The following CHD9 variants were observed in gnomAD, a reference collection of about 807,000 sequenced individuals.
The protein encoded by CHD9 is ATP-dependent chromatin remodeler CHD9.
In CHD9, 77 loss-of-function variants were observed where a neutral mutation model predicts 316.1. The observed-to-expected ratio is 0.24, with a 90% confidence interval of 0.20 to 0.29. The LOEUF (loss-of-function observed/expected upper bound fraction) is 0.29, where lower values mean the gene tolerates loss of function less well. CHD9 is among the 10% of genes least tolerant of loss of function. CHD9 has a pLI of 1.00. For synonymous variants in CHD9, 1,129 were observed against 1,158.3 expected, an observed-to-expected ratio of 0.97 and a Z score of 0.51; for missense variants, 2,763 against 3,438.1, an observed-to-expected ratio of 0.80 and a Z score of 4.91.
In CHD9 at chr16:53,324,256, G is replaced by T. The variant is rs2057448283; in HGVS notation, c.8055G>T (p.Leu2685=). The T allele has an allele frequency of 6.2e-7, 1 of 1,613,882 alleles. No individual in the cohort carries two copies. Among genetic ancestry groups the T allele is most frequent in the Non-Finnish European group, 8.5e-7 (1 of 1,179,896 alleles). The part of the protein sequence containing the change: ...LQQNLQNLQS[L]QVTAGLMGMP... ...AAAACCTACAAAACTTGCAGTCACT[G>T]CAAGTAACTGCTGGGTTGATGGGAA... Residue 2685 remains leucine (L), a synonymous_variant, in exon 39 of 39, where the codon CTG becomes CTT. Transcript: ENST00000447540.
At chr16:53,129,958 G>C (rs1159676790) in intron 1 of CHD9, among the ~76,000 whole-genome samples, 1 of 152,156 alleles carries the variant, frequency 6.6e-6, no homozygotes, top group African/African-American at 2.4e-5. Flanking sequence ...GTGAAGGATC[G>C]AGAGGGAACC....
chr16:53,265,577 G>A (rs950233495), intron 20 of CHD9, among the ~76,000 whole-genome samples: 2 of 152,094 alleles, frequency 1.3e-5, no homozygotes, highest in African/African-American at 4.8e-5. Flanking sequence ...AATAAATGGT[G>A]ATTAGGATAT....
chr16:53,134,081 AATCCT>A (rs1305599589), intron 1 of CHD9, among the ~76,000 whole-genome samples: 24 of 152,330 alleles, frequency 1.6e-4, no homozygotes, highest in African/African-American at 5.8e-4. Flanking sequence ...AGAAAAATGA[AATCCT>A]AGAGAGTCTA....
chr16:53,215,189 T>G (rs1323076838), intron 3 of CHD9, among the ~76,000 whole-genome samples: 1 of 152,212 alleles, frequency 6.6e-6, no homozygotes, highest in Non-Finnish European at 1.5e-5. Flanking sequence ...GTGCTGGGAT[T>G]ACAGGCATAA....
intron 1 of CHD9, among the ~76,000 whole-genome samples, chr16:53,149,597 A>G (rs1031231349): frequency 2.0e-5 from 3 of 148,930 alleles, no homozygotes; most frequent in African/African-American, 7.5e-5. Context: ...TTTTCAGGCT[A>G]AAGTGCAGTG....
At chr16:53,115,424 T>C (rs2038215748) in intron 1 of CHD9, among the ~76,000 whole-genome samples, 1 of 152,260 alleles carries the variant, frequency 6.6e-6, no homozygotes, top group Non-Finnish European at 1.5e-5. Flanking sequence ...ATTTTTAAGT[T>C]TCCTGGGAGA....
chr16:53,135,695 T>G lies in CHD9; in HGVS notation c.-164-20231T>G, dbSNP rs369453130. On this transcript the variant is annotated intron_variant, in intron 1 of 38. Transcript: ENST00000447540. ...GTGCTTCAGAAGAAGTCTACCTTTATCTGAATGATAAGCGCCTTAGAATAG... is the reference window on the plus strand; with the variant it reads ...GTGCTTCAGAAGAAGTCTACCTTTAGCTGAATGATAAGCGCCTTAGAATAG... Among the ~76,000 whole-genome samples the G allele has an allele frequency of 1.0e-3, 157 of 152,330 alleles. 2 individuals carry two copies. In the South Asian group the frequency reaches 0.031, roughly 30 times the overall value.
intron 3 of CHD9, among the ~76,000 whole-genome samples, chr16:53,222,046 T>G (rs1397840969): frequency 6.6e-6 from 1 of 151,970 alleles, no homozygotes; most frequent in Non-Finnish European, 1.5e-5. Flanking sequence ...CCTGCTAAAT[T>G]TATTTATTTA....
At chr16:53,223,769 C>CAA (rs1416673749) in intron 4 of CHD9, among the ~76,000 whole-genome samples, 1 of 151,416 alleles carries the variant, frequency 6.6e-6, no homozygotes, top group Non-Finnish European at 1.5e-5. Flanking sequence ...AACACACACA[C>CAA]AAAAAATGGT....
intron 1 of CHD9, among the ~76,000 whole-genome samples, chr16:53,074,570 C>G (rs1226619056): frequency 6.6e-6 from 1 of 152,168 alleles, no homozygotes; most frequent in Non-Finnish European, 1.5e-5. Flanking sequence ...TGTGTGCAGT[C>G]TAGGGACTTG....
At chr16:53,309,484 C>T (rs2056275749) in intron 34 of CHD9, among the ~76,000 whole-genome samples, 2 of 152,198 alleles carry the variant, frequency 1.3e-5, no homozygotes, top group African/African-American at 4.8e-5. Context: ...AAGCAATTAT[C>T]AGATCTCCCC....
rs143898110 is a variant in CHD9 at position 53,119,618 on chromosome 16, A to C, written c.-164-36308A>C. 8.5e-3 allele frequency among the ~76,000 whole-genome samples: 1,294 copies of C among 152,272 alleles called. 24 individuals are homozygous for C. Among genetic ancestry groups the C allele is most frequent in the Middle Eastern group, 0.027 (8 of 294 alleles). On this transcript the variant is annotated intron_variant, in intron 1 of 38. Transcript: ENST00000447540. ...GAGGCCAAGGCAGGTGGATCACCTG[A>C]GATCAGGAGTTCAAGAGCAGCCTGG...
chr16:53,308,299 G>C (rs2056166294), intron 33 of CHD9, among the ~76,000 whole-genome samples: 1 of 152,076 alleles, frequency 6.6e-6, no homozygotes, highest in Non-Finnish European at 1.5e-5. Context: ...TATCAGTATT[G>C]TTTCATTTTT....
chr16:53,285,786 T>A (rs941286831), intron 25 of CHD9, 87 bp downstream of exon 25: 2 of 654,068 alleles, frequency 3.1e-6, no homozygotes, highest in African/African-American at 3.7e-5. Context: ...CACTTACAGC[T>A]TTATTCCAGT....
intron 1 of CHD9, among the ~76,000 whole-genome samples, chr16:53,111,779 TACC>T (rs1214041584): frequency 1.3e-5 from 2 of 152,238 alleles, no homozygotes; most frequent in African/African-American, 2.4e-5. Flanking sequence ...TATGGTTTGA[TACC>T]ACATTTCAGC....
intron 2 of CHD9, among the ~76,000 whole-genome samples, chr16:53,183,541 G>A (rs761696007): frequency 1.3e-5 from 2 of 152,092 alleles, no homozygotes; most frequent in African/African-American, 2.4e-5. Flanking sequence ...TATTTTCTCT[G>A]TCTTAAAAAT....
rs61654246 is a variant in CHD9, at chr16:53,070,489, TTTCCTTCCTTCCTTCC to T, written c.-165+15442_-165+15457del. Among the ~76,000 whole-genome samples the T allele has an allele frequency of 3.9e-3, 558 of 144,802 alleles. 4 individuals carry two copies. Among genetic ancestry groups the T allele is most frequent in the Non-Finnish European group, 5.3e-3 (354 of 66,910 alleles). The allele number at this position is 144,802 out of a possible 152,430, so 95.0% of individuals were successfully genotyped here. On this transcript the variant is annotated intron_variant, in intron 1 of 38. Coordinates refer to ENST00000447540, the MANE Select transcript of CHD9 (RefSeq NM_001308319.2). ...TAGCATGTCTTTCTTTCTTTCTTTC[TTTCCTTCCTTCCTTCC>T]TTCCTTCCTTCCTTCCTTCCTTCCT...
chr16:53,322,586 C>T (rs1056317137), intron 38 of CHD9, among the ~76,000 whole-genome samples: 1 of 150,154 alleles, frequency 6.7e-6, no homozygotes, highest in Non-Finnish European at 1.5e-5. Context: ...AGGCAAGACT[C>T]CATCTCAAAA....
intron 1 of CHD9, among the ~76,000 whole-genome samples, chr16:53,107,489 T>TGAAAGGAAATGATGAAATG (rs1567333224): frequency 8.1e-6 from 1 of 123,090 alleles, no homozygotes; most frequent in African/African-American, 3.8e-5. Flanking sequence ...TAAAATAAAA[T>TGAAAGGAAATGATGAAATG]AAATAAAATA....
Sources: gnomAD v4.1 joint callset for allele counts (sites outside exome capture counted in the v4.1 genomes callset) on GRCh38, gnomAD v4.1.1 for gene constraint, MANE v1.5 for transcripts, NCBI Gene and HGNC (gene_info 2026-07-23, HGNC 2026-07-21) for gene names.